Variants in HDLBP observed in about 807,000 individuals in gnomAD.
HDLBP encodes vigilin.
In HDLBP, 30 loss-of-function variants were observed where a neutral mutation model predicts 137.3. The ratio of observed to expected loss-of-function variants is 0.22; its 90% confidence interval spans 0.16 to 0.30. The LOEUF is 0.30. HDLBP is among the 10% of genes least tolerant of loss of function. HDLBP has a pLI of 1.00. For missense variants in HDLBP, 1,119 were observed against 1,667.3 expected (o/e 0.67, Z 5.73); for synonymous variants, 606 against 596.0 (o/e 1.02, Z -0.24).
Position 241,262,729 on chromosome 2 carries a change from A to G in HDLBP, c.432T>C (p.Val144=). Residue 144 remains valine (V), a synonymous_variant, in exon 5 of 28, where the codon GTT becomes GTC. Transcript: ENST00000310931. ...DAVMKARKDI[V]ARLQTQASAT... ...TACCCACCTGAGTCTGCAGTCTAGC[A>G]ACAATGTCCTTCCGAGCTTTCATGA... The G allele has an allele frequency of 6.2e-7, 1 of 1,613,938 alleles. No individual in the cohort carries two copies. The highest frequency in any genetic ancestry group is 8.5e-7 in the Non-Finnish European group (1 of 1,179,952).
intron 1 of HDLBP, among the ~76,000 whole-genome samples, chr2:241,297,021 C>A (rs927654901): frequency 6.6e-6 from 1 of 152,264 alleles, no homozygotes; most frequent in African/African-American, 2.4e-5. Context: ...AAGAATCCAA[C>A]GGCTCACGTA....
rs571331611 is a variant in HDLBP at position 241,234,450 on chromosome 2, G to T, written c.3145-487C>A. Among the ~76,000 whole-genome samples the T allele has an allele frequency of 1.1e-4, 16 of 152,302 alleles. 2 individuals are homozygous for T. In the South Asian group the frequency reaches 3.3e-3, roughly 32 times the overall value. The stretch of plus-strand genomic sequence containing the variant: ...GAGACAACCCAGAGTCCACGCAGGG[G>T]TACACTGACACCATGTGAGGTTCAC... On this transcript the variant is annotated intron_variant, in intron 23 of 27. Coordinates refer to ENST00000310931, the MANE Select transcript of HDLBP (RefSeq NM_005336.6).
chr2:241,236,511 ACTGCCG>A (rs1559481169), intron 21 of HDLBP, 98 bp downstream of exon 21: 9 of 1,172,942 alleles, frequency 7.7e-6, no homozygotes, highest in Non-Finnish European at 1.0e-5. Flanking sequence ...CTCCACTGCC[ACTGCCG>A]CTTGGGCAAC....
Position 241,229,621 on chromosome 2 carries a change from G to A in HDLBP, c.3787C>T (p.Pro1263Ser), listed in dbSNP as rs2069468723. 2 of 1,613,830 alleles carry A rather than the reference G, an allele frequency of 1.2e-6. No individual in the cohort carries two copies. Among genetic ancestry groups the A allele is most frequent in the Middle Eastern group, 1.6e-4 (1 of 6,082 alleles). Residue 1263 changes from proline to serine, a missense_variant, in exon 28 of 28, where the codon CCT becomes TCT. This residue lies in a region of HDLBP where 618 missense variants were observed against 816.7 expected (regional missense o/e 0.76). Coordinates refer to ENST00000310931, the MANE Select transcript of HDLBP (RefSeq NM_005336.6). ...FGAQVAPKTL[P>S]WGPKR ...GATCATTATCGTTTGGGGCCCCAAG[G>A]GAGGGTCTTGGGAGCCACCTGAGCC...
chr2:241,256,681 G>A lies in HDLBP; in HGVS notation c.576C>T (p.Pro192=). The stretch of plus-strand genomic sequence containing the variant: ...TGCCAGTGATCTTGATCTGATTGCT[G>A]GGGTCATCTGGGCGTGGGATCTGGA... ...TKIQIPRPDD[P]SNQIKITGTK... The change falls in exon 6 of 28, where the codon CCC becomes CCT. Residue 192 remains proline (P), a synonymous_variant. Coordinates refer to ENST00000310931, the MANE Select transcript of HDLBP (RefSeq NM_005336.6). The A allele has an allele frequency of 6.2e-7, 1 of 1,614,236 alleles. No individual in the cohort carries two copies. Among genetic ancestry groups the A allele is most frequent in the Non-Finnish European group, 8.5e-7 (1 of 1,180,048 alleles).
At chr2:241,257,529 C>T (rs1414527763) in intron 5 of HDLBP, among the ~76,000 whole-genome samples, 3 of 151,754 alleles carry the variant, frequency 2.0e-5, no homozygotes, top group Non-Finnish European at 4.4e-5. Flanking sequence ...CTGCGCCTGG[C>T]CAAAAGATGT....
intron 14 of HDLBP, among the ~76,000 whole-genome samples, 171 bp downstream of exon 14, chr2:241,247,832 A>T (rs2149443374): frequency 6.6e-6 from 1 of 152,298 alleles, no homozygotes; most frequent in South Asian, 2.1e-4. Flanking sequence ...TCCAGGTATT[A>T]AGTGAGAAGC....
At chr2:241,247,856 T>A in intron 14 of HDLBP, 147 bp downstream of exon 14, 1 of 620,198 alleles carries the variant, frequency 1.6e-6, no homozygotes, top group Non-Finnish European at 2.9e-6. Context: ...CACCACTTTG[T>A]CCCAAGTCCC....
intron 12 of HDLBP, chr2:241,249,476 A>C (rs2071945800): frequency 8.1e-6 from 4 of 492,048 alleles, no homozygotes; most frequent in Non-Finnish European, 1.7e-5. Flanking sequence ...GTTTGCAGTG[A>C]TCCTCGAGTC....
chr2:241,229,783 T>TGC, intron 27 of HDLBP, 50 bp downstream of exon 27: 1 of 1,524,632 alleles, frequency 6.6e-7, no homozygotes, highest in Non-Finnish European at 9.0e-7. Context: ...CAAGCCCGCC[T>TGC]GCCCGCCCAC....
At chr2:241,298,653 G>C (rs2075276494) in intron 1 of HDLBP, among the ~76,000 whole-genome samples, 1 of 152,164 alleles carries the variant, frequency 6.6e-6, no homozygotes, top group Non-Finnish European at 1.5e-5. Flanking sequence ...CAGTGGAGAA[G>C]CTGGAAGGCA....
chr2:241,291,979 A>C (rs1575032748), intron 1 of HDLBP, among the ~76,000 whole-genome samples: 2 of 152,346 alleles, frequency 1.3e-5, no homozygotes, highest in Middle Eastern at 6.8e-3. Flanking sequence ...ACAGTGTTGT[A>C]ATTTGGTACA....
At position 241,270,881 on chromosome 2, in the gene HDLBP, C is replaced by T. The variant is rs113965087; in HGVS notation, c.-102-2340G>A. 78 of 729,836 alleles carry T rather than the reference C, an allele frequency of 1.1e-4. No individual in the cohort carries two copies. The East Asian group carries it at 2.0e-3, about 19-fold the overall frequency. The allele number at this position is 729,836 out of a possible 1,614,324, so 45.2% of individuals were successfully genotyped here. On this transcript the variant is annotated intron_variant, in intron 1 of 27. Transcript: ENST00000310931. ...GATACCCAAGAACAGAGGCTAACAT[C>T]GGGTATCTCAGATTCTCACTGGATC...
intron 7 of HDLBP, among the ~76,000 whole-genome samples, 167 bp downstream of exon 7, chr2:241,256,017 G>A (rs933619539): frequency 1.3e-5 from 2 of 152,270 alleles, no homozygotes; most frequent in Non-Finnish European, 1.5e-5. Flanking sequence ...CAACAGCAAG[G>A]GGGGGCGGGC....
intron 5 of HDLBP, among the ~76,000 whole-genome samples, chr2:241,260,798 G>A (rs1387815244): frequency 6.6e-6 from 1 of 152,032 alleles, no homozygotes; most frequent in Non-Finnish European, 1.5e-5. Flanking sequence ...GACTGTGGAA[G>A]TAACCAAGCC....
chr2:241,254,306 G>T (rs2072444875), intron 9 of HDLBP, among the ~76,000 whole-genome samples: 1 of 151,876 alleles, frequency 6.6e-6, no homozygotes, highest in African/African-American at 2.4e-5. Context: ...TTTTTAAAAA[G>T]GACTGTAACA....
At chr2:241,310,678 A>G (rs2075731953) in intron 1 of HDLBP, among the ~76,000 whole-genome samples, 1 of 152,212 alleles carries the variant, frequency 6.6e-6, no homozygotes, top group African/African-American at 2.4e-5. Context: ...GAAAGCAAAT[A>G]GGAAGAAATC....
At chr2:241,282,368 G>A (rs1296248039) in intron 1 of HDLBP, among the ~76,000 whole-genome samples, 1 of 152,232 alleles carries the variant, frequency 6.6e-6, no homozygotes, top group Non-Finnish European at 1.5e-5. Flanking sequence ...GAAAACAGGT[G>A]TGGCTGGAGG....
chr2:241,271,389 C>T, intron 1 of HDLBP, among the ~76,000 whole-genome samples: 1 of 152,196 alleles, frequency 6.6e-6, no homozygotes, highest in East Asian at 1.9e-4. Context: ...AGGGCAGGAA[C>T]CAAGACCCCT....
Sources: allele counts gnomAD v4.1 joint callset (sites outside exome capture counted in the v4.1 genomes callset), GRCh38; gene constraint gnomAD v4.1.1; regional missense constraint gnomAD v4.1.1; transcripts MANE v1.5; gene names NCBI Gene and HGNC (gene_info 2026-07-23, HGNC 2026-07-21).